Variants in TMCC1 observed in about 807,000 individuals in gnomAD.
TMCC1 encodes transmembrane and coiled-coil domains protein 1.
Under a neutral mutation model 52.4 loss-of-function variants are expected in TMCC1, and 15 were observed. That is an observed-to-expected ratio of 0.29 (90% CI 0.19 to 0.44). The LOEUF is 0.44. Among genes scored for constraint, TMCC1 ranks in the 20% least tolerant of loss-of-function variants. The pLI, the probability that TMCC1 is intolerant of heterozygous loss-of-function variation, is 1.00. For missense variants in TMCC1, 503 were observed against 806.0 expected (o/e 0.62, Z 4.55); for synonymous variants, 279 against 301.9 (o/e 0.92, Z 0.79).
At chr3:129,678,621 A>G (rs2088685818) in intron 4 of TMCC1, among the ~76,000 whole-genome samples, 1 of 151,986 alleles carries the variant, frequency 6.6e-6, no homozygotes, top group African/African-American at 2.4e-5. Context: ...CAGCCTCCCA[A>G]AGTGCTGGGA....
intron 4 of TMCC1, among the ~76,000 whole-genome samples, chr3:129,674,595 G>C (rs2088241650): frequency 6.6e-6 from 1 of 152,226 alleles, no homozygotes; most frequent in African/African-American, 2.4e-5. Context: ...GGTGCAGAGG[G>C]AGAGTAAAGG....
At chr3:129,676,491 T>C (rs193064762) in intron 4 of TMCC1, among the ~76,000 whole-genome samples, 151 of 152,318 alleles carry the variant, frequency 9.9e-4, no homozygotes, top group African/African-American at 3.4e-3. Flanking sequence ...TGATCTGAAT[T>C]AATTGACAGA....
intron 4 of TMCC1, among the ~76,000 whole-genome samples, chr3:129,679,595 C>T (rs939270440): frequency 6.6e-6 from 1 of 152,160 alleles, no homozygotes; most frequent in African/African-American, 2.4e-5. Flanking sequence ...TGAGCCATCA[C>T]GCCTGGCCTG....
intron 1 of TMCC1, among the ~76,000 whole-genome samples, chr3:129,886,312 A>C (rs1448695917): frequency 6.6e-6 from 1 of 152,254 alleles, no homozygotes; most frequent in East Asian, 1.9e-4. Flanking sequence ...TCCAGGAGAA[A>C]GTAGCATTCT....
Position 129,649,830 on chromosome 3 carries a change from C to G in TMCC1, c.*1651G>C, listed in dbSNP as rs1244436184. ...ATAATATGGAAAGATTAACCAAGCTCTCTAGATAAACTCTAAATGTTCAAG... is the reference window on the plus strand; with the variant it reads ...ATAATATGGAAAGATTAACCAAGCTGTCTAGATAAACTCTAAATGTTCAAG... On this transcript the variant is annotated 3_prime_UTR_variant, in exon 7 of 7. Coordinates refer to ENST00000393238, the MANE Select transcript of TMCC1 (RefSeq NM_001017395.5). 6.6e-6 allele frequency: 1 copy of G among 152,388 alleles called. No individual in the cohort carries two copies. The highest frequency in any genetic ancestry group is 1.5e-5 in the Non-Finnish European group (1 of 68,038). The allele number at this position is 152,388 out of a possible 1,614,324, so 9.4% of individuals were successfully genotyped here.
intron 2 of TMCC1, among the ~76,000 whole-genome samples, chr3:129,853,906 C>T (rs914181760): frequency 3.9e-5 from 6 of 152,090 alleles, no homozygotes; most frequent in African/African-American, 4.8e-5. Flanking sequence ...TCATATTCTA[C>T]CCATCATCAA....
chr3:129,758,783 C>T (rs936783467), intron 4 of TMCC1, among the ~76,000 whole-genome samples: 1 of 152,146 alleles, frequency 6.6e-6, no homozygotes, highest in African/African-American at 2.4e-5. Context: ...GGAATTTTCT[C>T]ATCTTACAAA....
intron 1 of TMCC1, among the ~76,000 whole-genome samples, chr3:129,884,828 T>C (rs527396708): frequency 6.6e-6 from 1 of 152,196 alleles, no homozygotes; most frequent in East Asian, 1.9e-4. Context: ...TCAATGGAAC[T>C]CGAAAGTCAT....
At chr3:129,656,197 T>C (rs1397848182) in intron 5 of TMCC1, among the ~76,000 whole-genome samples, 1 of 152,084 alleles carries the variant, frequency 6.6e-6, no homozygotes, top group East Asian at 1.9e-4. Context: ...AAGAGCTAAG[T>C]AGATAGGAGA....
At chr3:129,761,046 C>T (rs2053534612) in intron 4 of TMCC1, among the ~76,000 whole-genome samples, 1 of 152,032 alleles carries the variant, frequency 6.6e-6, no homozygotes, top group Admixed American at 6.5e-5. Context: ...CCTGTGCTGG[C>T]CGGGCGCGGT....
intron 4 of TMCC1, among the ~76,000 whole-genome samples, chr3:129,707,930 CA>C (rs931591808): frequency 6.9e-4 from 88 of 127,958 alleles, no homozygotes; most frequent in East Asian, 1.8e-3. Context: ...GACTCAGTCT[CA>C]AAAAAAAAAA....
intron 4 of TMCC1, among the ~76,000 whole-genome samples, chr3:129,684,529 T>C (rs1392634849): frequency 4.6e-5 from 7 of 152,008 alleles, no homozygotes; most frequent in Admixed American, 1.3e-4. Flanking sequence ...ATGACCTCAC[T>C]GAAAAATACT....
intron 4 of TMCC1, chr3:129,688,102 G>T: frequency 1.0e-6 from 1 of 971,702 alleles, no homozygotes; most frequent in Non-Finnish European, 1.2e-6. Context: ...TTTAGTTATT[G>T]CTAAGAAGCA....
At chr3:129,771,898 T>C (rs967375649) in intron 4 of TMCC1, among the ~76,000 whole-genome samples, 2 of 152,204 alleles carry the variant, frequency 1.3e-5, no homozygotes, top group East Asian at 1.9e-4. Context: ...GCTACCTTAA[T>C]TGTCTTGTCG....
At chr3:129,721,246 ATGTCT>A (rs1470490351) in intron 4 of TMCC1, among the ~76,000 whole-genome samples, 1 of 152,090 alleles carries the variant, frequency 6.6e-6, no homozygotes, top group Non-Finnish European at 1.5e-5. Context: ...CTTCCTTCAA[ATGTCT>A]TGTTTTAAAT....
At chr3:129,682,222 C>A (rs1218481228) in intron 4 of TMCC1, among the ~76,000 whole-genome samples, 2 of 152,050 alleles carry the variant, frequency 1.3e-5, no homozygotes, top group African/African-American at 4.8e-5. Flanking sequence ...GATTCAAACT[C>A]CTGGCCTCAA....
At chr3:129,688,796 G>A in intron 4 of TMCC1, 1 of 970,034 alleles carries the variant, frequency 1.0e-6, no homozygotes, top group Non-Finnish European at 1.2e-6. Flanking sequence ...CCAGCTGTGA[G>A]CATCTTTTAT....
chr3:129,735,602 T>G (rs1439208491), intron 4 of TMCC1, among the ~76,000 whole-genome samples: 1 of 150,736 alleles, frequency 6.6e-6, no homozygotes, highest in Non-Finnish European at 1.5e-5. Context: ...TGAACTATGA[T>G]TGTGCCACTG....
intron 4 of TMCC1, among the ~76,000 whole-genome samples, chr3:129,802,858 T>C (rs1007402498): frequency 6.6e-6 from 1 of 152,190 alleles, no homozygotes; most frequent in African/African-American, 2.4e-5. Context: ...TCTCTAATCT[T>C]CTGTTTTAGT....
Sources: gnomAD v4.1 joint callset for allele counts (sites outside exome capture counted in the v4.1 genomes callset) on GRCh38, gnomAD v4.1.1 for gene constraint, MANE v1.5 for transcripts, NCBI Gene and HGNC (gene_info 2026-07-23, HGNC 2026-07-21) for gene names.